The following JAKMIP2 variants were observed in gnomAD, a reference collection of about 807,000 sequenced individuals.
JAKMIP2 encodes the protein janus kinase and microtubule interacting protein 2, also known as janus kinase and microtubule-interacting protein 2.
A neutral mutation model predicts 115.0 loss-of-function variants in JAKMIP2; 25 were observed. The ratio of observed to expected loss-of-function variants is 0.22; its 90% CI spans 0.16 to 0.30. JAKMIP2 has a LOEUF of 0.30. Among genes scored for constraint, JAKMIP2 ranks in the 10% least tolerant of loss-of-function variants. The pLI, the probability that JAKMIP2 is intolerant of heterozygous loss-of-function variation, is 1.00. For missense variants in JAKMIP2, 642 were observed against 957.6 expected (o/e 0.67, Z 4.35); for synonymous variants, 334 against 343.6 (o/e 0.97, Z 0.31).
intron 17 of JAKMIP2, among the ~76,000 whole-genome samples, chr5:147,622,086 C>T (rs1359486613): frequency 1.3e-5 from 2 of 152,104 alleles, no homozygotes; most frequent in African/African-American, 2.4e-5. Context: ...AGGCTGGTCT[C>T]GAACTCCTGA....
chr5:147,650,257 A>G (rs1393463826), intron 4 of JAKMIP2, 81 bp downstream of exon 4: 1 of 873,632 alleles, frequency 1.1e-6, no homozygotes, highest in Non-Finnish European at 1.9e-6. Context: ...AAACAAGAAA[A>G]GAGCTTAAGT....
intron 11 of JAKMIP2, 59 bp from the exon 12 acceptor site, chr5:147,636,343 T>C (rs1258999064): frequency 1.4e-6 from 2 of 1,427,090 alleles, no homozygotes; most frequent in Non-Finnish European, 9.8e-7. Context: ...AGAGCCTGTG[T>C]TGTCAAACCA....
intron 1 of JAKMIP2, among the ~76,000 whole-genome samples, chr5:147,699,235 T>A (rs894516974): frequency 6.6e-6 from 1 of 152,206 alleles, no homozygotes; most frequent in Non-Finnish European, 1.5e-5. Flanking sequence ...TTGAAAGAAT[T>A]GCTGCTGGCT....
At chr5:147,604,609 G>A (rs535547880) in intron 20 of JAKMIP2, among the ~76,000 whole-genome samples, 40 of 152,206 alleles carry the variant, frequency 2.6e-4, no homozygotes, top group African/African-American at 9.1e-4. Flanking sequence ...ATTATTGCAG[G>A]AAGGGCAGAT....
intron 1 of JAKMIP2, among the ~76,000 whole-genome samples, chr5:147,763,418 A>C (rs566695519): frequency 6.6e-6 from 1 of 152,168 alleles, no homozygotes; most frequent in Admixed American, 6.6e-5. Flanking sequence ...CTACACGCAC[A>C]CTGTTGAAGG....
intron 1 of JAKMIP2, among the ~76,000 whole-genome samples, chr5:147,718,590 C>A (rs972953307): frequency 1.3e-5 from 2 of 151,248 alleles, no homozygotes; most frequent in South Asian, 4.2e-4. Flanking sequence ...GTGTATGTGT[C>A]GAGGAATTTA....
In JAKMIP2 at chr5:147,591,577, G is replaced by A; in HGVS notation, c.*130C>T. The A allele has an allele frequency of 1.1e-6, 1 of 946,496 alleles. No homozygotes were observed. The allele number at this position is 946,496 out of a possible 1,614,324, so 58.6% of individuals were successfully genotyped here. A position where few individuals can be genotyped will look rare whatever the true frequency, so the allele number is the denominator to read the frequency against. Reference sequence around the variant, plus strand: ...ATACACAGTTGTAGTCCTGGCTACAGGGTAGTTCTTAGCTTTTGATCTCCC... The same window carrying A: ...ATACACAGTTGTAGTCCTGGCTACAAGGTAGTTCTTAGCTTTTGATCTCCC... On this transcript the variant is annotated 3_prime_UTR_variant, in exon 22 of 22. Coordinates refer to ENST00000616793, the MANE Select transcript of JAKMIP2 (RefSeq NM_001270941.2).
chr5:147,610,213 G>T (rs1403693408), intron 20 of JAKMIP2, among the ~76,000 whole-genome samples: 2 of 152,156 alleles, frequency 1.3e-5, no homozygotes, highest in Non-Finnish European at 2.9e-5. Flanking sequence ...CATCCATCCA[G>T]TTTTGTTCCC....
intron 1 of JAKMIP2, among the ~76,000 whole-genome samples, chr5:147,749,886 C>T (rs1240967738): frequency 6.7e-6 from 1 of 149,946 alleles, no homozygotes. Flanking sequence ...TTGCCCCATA[C>T]TTATAAATGT....
intron 18 of JAKMIP2, among the ~76,000 whole-genome samples, 157 bp from the exon 19 acceptor site, chr5:147,618,271 C>T (rs1399762185): frequency 6.6e-6 from 1 of 152,236 alleles, no homozygotes; most frequent in South Asian, 2.1e-4. Flanking sequence ...CCTAATTACA[C>T]TTCTGAAAAT....
At chr5:147,748,555 CA>C (rs1469387633) in intron 1 of JAKMIP2, among the ~76,000 whole-genome samples, 1 of 151,668 alleles carries the variant, frequency 6.6e-6, no homozygotes, top group East Asian at 1.9e-4. Flanking sequence ...GAAGTTTGCA[CA>C]GATGAATACT....
intron 5 of JAKMIP2, among the ~76,000 whole-genome samples, chr5:147,647,283 A>G (rs1434320677): frequency 6.6e-6 from 1 of 152,168 alleles, no homozygotes; most frequent in Non-Finnish European, 1.5e-5. Context: ...GATATTAGAA[A>G]AATTTTTGAA....
chr5:147,637,655 G>T (rs1757689091), intron 10 of JAKMIP2, among the ~76,000 whole-genome samples: 1 of 151,974 alleles, frequency 6.6e-6, no homozygotes, highest in Non-Finnish European at 1.5e-5. Context: ...GGCCTGGCTG[G>T]TCTCGAACTC....
At chr5:147,693,274 T>C (rs1349523700) in intron 1 of JAKMIP2, among the ~76,000 whole-genome samples, 1 of 152,184 alleles carries the variant, frequency 6.6e-6, no homozygotes, top group Non-Finnish European at 1.5e-5. Context: ...CAGCTTTTAA[T>C]TTCTCCCTCA....
chr5:147,736,953 A>G (rs993331241), intron 1 of JAKMIP2, among the ~76,000 whole-genome samples: 2 of 152,216 alleles, frequency 1.3e-5, no homozygotes, highest in African/African-American at 4.8e-5. Flanking sequence ...TTATAAGATC[A>G]CAAGTGTTCA....
At chr5:147,760,492 T>C (rs1298770283) in intron 1 of JAKMIP2, among the ~76,000 whole-genome samples, 1 of 151,366 alleles carries the variant, frequency 6.6e-6, no homozygotes, top group Admixed American at 6.6e-5. Flanking sequence ...AACAGTTTTA[T>C]CTGAGAGGTC....
At chr5:147,742,163 T>TTTTTA (rs1413650418) in intron 1 of JAKMIP2, among the ~76,000 whole-genome samples, 26 of 90,612 alleles carry the variant, frequency 2.9e-4, no homozygotes, top group African/African-American at 1.5e-3. Flanking sequence ...ATATTTTTTT[T>TTTTTA]ACTATTGTAT....
At chr5:147,774,190 C>A (rs529392944) in intron 1 of JAKMIP2, among the ~76,000 whole-genome samples, 9 of 152,022 alleles carry the variant, frequency 5.9e-5, no homozygotes, top group Non-Finnish European at 1.2e-4. Flanking sequence ...AGAGACTGAC[C>A]CAGTGGTCAA....
chr5:147,664,700 C>T (rs1213009631), intron 2 of JAKMIP2, among the ~76,000 whole-genome samples: 3 of 151,914 alleles, frequency 2.0e-5, no homozygotes, highest in East Asian at 3.9e-4. Flanking sequence ...ATTTTTTTGC[C>T]CACTTGTCTG....
Sources: allele counts gnomAD v4.1 joint callset (sites outside exome capture counted in the v4.1 genomes callset), GRCh38; gene constraint gnomAD v4.1.1; transcripts MANE v1.5; gene names NCBI Gene and HGNC (gene_info 2026-07-23, HGNC 2026-07-21).